Variants in STAG2 observed in about 807,000 individuals in gnomAD.
The protein encoded by STAG2 is STAG2 cohesin complex component.
STAG2 carries 14 observed loss-of-function variants against 108.1 expected under a neutral mutation model. That is an observed-to-expected ratio of 0.13 (90% CI 0.09 to 0.20). STAG2 has a LOEUF of 0.20. Among genes scored for constraint, STAG2 ranks in the 10% least tolerant of loss-of-function variants. The pLI is 1.00. For synonymous variants in STAG2, 307 were observed against 302.7 expected, an observed-to-expected ratio of 1.01 and a Z score of -0.15; for missense variants, 440 against 940.9, an observed-to-expected ratio of 0.47 and a Z score of 6.96.
chrX:124,008,634 T>C (rs2056391744), intron 1 of STAG2, among the ~76,000 whole-genome samples: 1 of 112,199 alleles, frequency 8.9e-6, no homozygotes, highest in Non-Finnish European at 1.9e-5. Context: ...TGAGCCACCA[T>C]GCCCAGCTGC....
rs371198197 is a variant in STAG2, at chrX:124,015,232, C to T, written c.-162-6135C>T. ...CGATCTCTTGACCTCGTGATCCTCCCGCCTCGGCCTCCCAAAGTGCTGGGA... is the reference window on the plus strand; with the variant it reads ...CGATCTCTTGACCTCGTGATCCTCCTGCCTCGGCCTCCCAAAGTGCTGGGA... On this transcript the variant is annotated intron_variant, in intron 1 of 34. Transcript: ENST00000371145. Among the ~76,000 whole-genome samples, 61 of 106,776 alleles carry T rather than the reference C, an allele frequency of 5.7e-4. 1 individual carries two copies. The highest frequency in any genetic ancestry group is 1.5e-3 in the African/African-American group (43 of 29,348). The allele number at this position is 106,776 out of a possible 115,157, so 92.7% of individuals were successfully genotyped here.
At chrX:124,003,240 T>G (rs770772394) in intron 1 of STAG2, among the ~76,000 whole-genome samples, 1 of 110,940 alleles carries the variant, frequency 9.0e-6, no homozygotes, top group East Asian at 2.8e-4. Context: ...AGTGCTGGAT[T>G]ACAGGCGTGA....
intron 6 of STAG2, 58 bp from the exon 7 acceptor site, chrX:124,042,511 A>G: frequency 1.2e-6 from 1 of 854,148 alleles, no homozygotes. Flanking sequence ...CTTACTTGGA[A>G]GTTTTCTTTA....
chrX:124,034,868 T>C (rs769934135), intron 5 of STAG2, among the ~76,000 whole-genome samples: 2 of 84,653 alleles, frequency 2.4e-5, no homozygotes, highest in Non-Finnish European at 5.1e-5. Flanking sequence ...TTGTTGTTGT[T>C]GTTGTTGTTG....
intron 13 of STAG2, among the ~76,000 whole-genome samples, chrX:124,053,005 C>T (rs1222618311): frequency 1.8e-5 from 2 of 110,395 alleles, no homozygotes; most frequent in Non-Finnish European, 1.9e-5. Context: ...TTAGTAGAGA[C>T]GAAGTTTCAC....
In STAG2 at chrX:124,100,882, TTA is replaced by T. The variant is rs1491154593; in HGVS notation, c.*286_*287del. On this transcript the variant is annotated 3_prime_UTR_variant, in exon 35 of 35. Transcript: ENST00000371145. ...TGAATCGATTATTTCATGCTTTTTT[TTA>T]AAAAAAAAAAAAAACAAAATAACAA... 1.5e-5 allele frequency: 3 copies of T among 205,008 alleles called. No homozygotes were observed. Among genetic ancestry groups the T allele is most frequent in the Admixed American group, 8.0e-5 (1 of 12,567 alleles). The allele number at this position is 205,008 out of a possible 1,213,427, so 16.9% of individuals were successfully genotyped here.
At chrX:124,007,579 A>G (rs2056352010) in intron 1 of STAG2, among the ~76,000 whole-genome samples, 1 of 112,000 alleles carries the variant, frequency 8.9e-6, no homozygotes. Flanking sequence ...ATGCAAAGGT[A>G]TATATAGAAG....
intron 1 of STAG2, among the ~76,000 whole-genome samples, chrX:124,003,253 C>G (rs901954304): frequency 2.7e-5 from 3 of 110,726 alleles, no homozygotes; most frequent in African/African-American, 9.9e-5. Flanking sequence ...AGGCGTGAGC[C>G]ACCGAGTCCA....
chrX:124,057,822 T>TTTG (rs752606209), intron 14 of STAG2, 44 bp from the exon 15 acceptor site: 338 of 896,335 alleles, frequency 3.8e-4, no homozygotes, highest in Non-Finnish European at 4.9e-4. Context: ...TAGAAAATTT[T>TTTG]TTGTTGTTGT....
intron 2 of STAG2, 104 bp from the exon 3 acceptor site, chrX:124,022,427 A>G: frequency 5.7e-6 from 2 of 353,887 alleles, no homozygotes; most frequent in South Asian, 1.4e-4. Context: ...CTTATTTACT[A>G]AAACACATTA....
rs754045301 is a variant in STAG2, at chrX:123,962,978, T to G, written c.-163+1122T>G. Among the ~76,000 whole-genome samples the G allele has an allele frequency of 8.9e-5, 10 of 112,310 alleles. No homozygotes were observed. In the Admixed American group the frequency reaches 9.4e-4, roughly 11 times the overall value. Reference sequence around the variant, plus strand: ...ATGGGACTTGCTTAAGCACGAAGCTTCTTTTCCTGTTTAGTCCTAGTGGTT... The same window carrying G: ...ATGGGACTTGCTTAAGCACGAAGCTGCTTTTCCTGTTTAGTCCTAGTGGTT... On this transcript the variant is annotated intron_variant, in intron 1 of 34. Coordinates refer to ENST00000371145, the MANE Select transcript of STAG2 (RefSeq NM_001042750.2).
chrX:123,979,629 A>G (rs754340606), intron 1 of STAG2, among the ~76,000 whole-genome samples: 2 of 111,424 alleles, frequency 1.8e-5, no homozygotes, highest in East Asian at 5.6e-4. Context: ...TTAGAGGCCT[A>G]TTCTCATGAA....
chrX:124,063,949 T>C lies in STAG2; in HGVS notation c.1923T>C (p.Asn641=), dbSNP rs1447770328. 8.3e-7 allele frequency: 1 copy of C among 1,208,563 alleles called. No individual in the cohort carries two copies. The highest frequency in any genetic ancestry group is 3.0e-5 in the East Asian group (1 of 33,847). The change falls in exon 20 of 35, where the codon AAT becomes AAC. Residue 641 remains asparagine, a synonymous_variant. Coordinates refer to ENST00000371145, the MANE Select transcript of STAG2 (RefSeq NM_001042750.2). ...ACSKTYHALC[N]EEFTIFNRVD... ...CTAAAACTTACCATGCACTCTGTAA[T>C]GAAGAGTTCACAATCTTCAACAGAG...
At chrX:124,073,384 C>G (rs1481131350) in intron 25 of STAG2, among the ~76,000 whole-genome samples, 1 of 110,740 alleles carries the variant, frequency 9.0e-6, no homozygotes, top group Admixed American at 9.6e-5. Context: ...CCTAGAATTA[C>G]CCACACTTCT....
rs749270926 is a variant in STAG2 at position 124,083,526 on chromosome X, A to G, written c.3030A>G (p.Leu1010=). 6 of 1,190,665 alleles carry G rather than the reference A, an allele frequency of 5.0e-6. No homozygotes were observed. Among genetic ancestry groups the G allele is most frequent in the Admixed American group, 4.6e-5 (2 of 43,748 alleles). Residue 1010 remains leucine, a synonymous_variant, in exon 29 of 35, where the codon CTA becomes CTG. Coordinates refer to ENST00000371145, the MANE Select transcript of STAG2 (RefSeq NM_001042750.2). ...TTCTGAGTGAATTTTCTTCTAAACT[A>G]CTTCGACAAGACAAAAGAACAGTGT... ...LDILSEFSSK[L]LRQDKRTVYV...
chrX:124,052,593 A>G (rs1325005434), intron 13 of STAG2, among the ~76,000 whole-genome samples: 1 of 111,610 alleles, frequency 9.0e-6, no homozygotes, highest in African/African-American at 3.3e-5. Context: ...ACTGTTTCCA[A>G]ATGTTATTGT....
At position 124,072,880 on chromosome X, in the gene STAG2, T is replaced by C. The variant is rs193153960; in HGVS notation, c.2533+1557T>C. ...CACGCCCAGCTAATTTTTCTTTTTT[T>C]TTTCTTTCTTTCTTTCTTTCTTTCT... On this transcript the variant is annotated intron_variant, in intron 25 of 34. Transcript: ENST00000371145. Among the ~76,000 whole-genome samples, 1,002 of 100,920 alleles carry C rather than the reference T, an allele frequency of 9.9e-3. 22 individuals carry two copies. The highest frequency in any genetic ancestry group is 0.044 in the East Asian group (143 of 3,221). The allele number at this position is 100,920 out of a possible 115,157, so 87.6% of individuals were successfully genotyped here. A position where few individuals can be genotyped will look rare whatever the true frequency, so the allele number is the denominator to read the frequency against.
rs184675365 is a variant in STAG2, at chrX:124,082,983, G to T, written c.2925-438G>T. ...ATAGTTAAAATGGGCCTTAGATGGG[G>T]TTTAATTTTACTCTTGAATTGTTTA... On this transcript the variant is annotated intron_variant, in intron 28 of 34. Coordinates refer to ENST00000371145, the MANE Select transcript of STAG2 (RefSeq NM_001042750.2). Among the ~76,000 whole-genome samples the T allele has an allele frequency of 1.9e-3, 215 of 110,972 alleles. 1 individual carries two copies. The highest frequency in any genetic ancestry group is 0.018 in the Admixed American group (189 of 10,366).
At chrX:124,066,711 G>T (rs1174148488) in intron 23 of STAG2, among the ~76,000 whole-genome samples, 1 of 111,887 alleles carries the variant, frequency 8.9e-6, no homozygotes, top group African/African-American at 3.2e-5. Context: ...CTTTGAAACA[G>T]ATATAAGTAT....
Sources: allele counts gnomAD v4.1 joint callset (sites outside exome capture counted in the v4.1 genomes callset), GRCh38; gene constraint gnomAD v4.1.1; transcripts MANE v1.5; gene names NCBI Gene and HGNC (gene_info 2026-07-23, HGNC 2026-07-21).